The following NTM variants were observed in gnomAD, a reference collection of about 807,000 sequenced individuals.
NTM encodes the protein neurotrimin.
Under a neutral mutation model 42.1 loss-of-function variants are expected in NTM, and 13 were observed. The observed-to-expected ratio is 0.31, with a 90% CI of 0.20 to 0.49. The LOEUF (loss-of-function observed/expected upper bound fraction) is 0.49, where lower values mean the gene tolerates loss of function less well. NTM is among the 20% of genes least tolerant of loss of function. The probability of loss-of-function intolerance (pLI) is 0.99; values close to 1 mark genes in which losing one functional copy is unlikely to be tolerated. For missense variants in NTM, 373 were observed against 452.8 expected, an observed-to-expected ratio of 0.82 and a Z score of 1.60; for synonymous variants, 187 against 179.2, an observed-to-expected ratio of 1.04 and a Z score of -0.35.
intron 1 of NTM, among the ~76,000 whole-genome samples, chr11:131,765,214 T>C (rs993596386): frequency 6.6e-6 from 1 of 152,204 alleles, no homozygotes; most frequent in Non-Finnish European, 1.5e-5. Flanking sequence ...CACCTTAAAA[T>C]GCAAAGCTGA....
intron 2 of NTM, among the ~76,000 whole-genome samples, chr11:132,040,861 C>T (rs111985007): frequency 6.6e-6 from 1 of 152,146 alleles, no homozygotes; most frequent in African/African-American, 2.4e-5. Context: ...ATCAGTTCAC[C>T]ACTAGCTAGC....
At chr11:131,746,957 T>C (rs1489113539) in intron 1 of NTM, among the ~76,000 whole-genome samples, 1 of 152,186 alleles carries the variant, frequency 6.6e-6, no homozygotes, top group African/African-American at 2.4e-5. Context: ...AAACTCAATT[T>C]TGATACCTGT....
Position 131,736,859 on chromosome 11 carries a change from G to A in NTM, c.83-174705G>A, listed in dbSNP as rs144313899. On this transcript the variant is annotated intron_variant, in intron 1 of 8. Transcript: ENST00000683400. Reference sequence around the variant, plus strand: ...CCTGGAAGGAGCTTCATTTATCTGCGTTGAGAATTCAGTGTTGATCCATCA... The same window carrying A: ...CCTGGAAGGAGCTTCATTTATCTGCATTGAGAATTCAGTGTTGATCCATCA... Among the ~76,000 whole-genome samples, 51 of 152,240 alleles carry A rather than the reference G, an allele frequency of 3.3e-4. 1 individual carries two copies. The East Asian group carries it at 7.2e-3, about 21-fold the overall frequency.
intron 4 of NTM, among the ~76,000 whole-genome samples, chr11:132,232,883 C>T (rs1351267970): frequency 6.6e-6 from 1 of 152,136 alleles, no homozygotes; most frequent in East Asian, 1.9e-4. Flanking sequence ...ACGTAAGCGG[C>T]GTTTATGACC....
intron 2 of NTM, among the ~76,000 whole-genome samples, chr11:132,088,082 T>C (rs9783312): frequency 0.13 from 19,781 of 152,252 alleles, 1,450 homozygotes; most frequent in African/African-American, 0.21. Flanking sequence ...CTCACCCGTA[T>C]ATCCCACATG....
chr11:131,713,001 G>C (rs1030254293), intron 1 of NTM, among the ~76,000 whole-genome samples: 3 of 152,128 alleles, frequency 2.0e-5, no homozygotes, highest in African/African-American at 7.2e-5. Context: ...AGCCCCGGTT[G>C]GTCAGGGGTG....
intron 1 of NTM, among the ~76,000 whole-genome samples, chr11:131,756,805 T>TAACA (rs908911171): frequency 3.3e-5 from 5 of 152,178 alleles, no homozygotes; most frequent in Admixed American, 6.5e-5. Flanking sequence ...TACCTGACCA[T>TAACA]AACACATAGT....
At chr11:132,135,112 C>T (rs1472218783) in intron 2 of NTM, among the ~76,000 whole-genome samples, 1 of 152,170 alleles carries the variant, frequency 6.6e-6, no homozygotes, top group African/African-American at 2.4e-5. Context: ...TGTCCCCTCA[C>T]CCCTGTGTCA....
intron 1 of NTM, among the ~76,000 whole-genome samples, chr11:131,410,834 C>T (rs1180637339): frequency 6.6e-6 from 1 of 152,164 alleles, no homozygotes; most frequent in Non-Finnish European, 1.5e-5. Context: ...TTATATCCTA[C>T]TGCTCGAGGG....
At chr11:131,878,846 A>T (rs1486084247) in intron 1 of NTM, among the ~76,000 whole-genome samples, 2 of 151,746 alleles carry the variant, frequency 1.3e-5, no homozygotes, top group African/African-American at 4.8e-5. Flanking sequence ...TCTCTCTTAA[A>T]ATAAAGTGAG....
chr11:131,403,490 A>G (rs570175404), intron 1 of NTM, among the ~76,000 whole-genome samples: 1 of 152,296 alleles, frequency 6.6e-6, no homozygotes, highest in South Asian at 2.1e-4. Context: ...CTTCATAACT[A>G]GATATTGCTG....
chr11:131,823,958 G>A (rs1049353778), intron 1 of NTM, among the ~76,000 whole-genome samples: 1 of 152,200 alleles, frequency 6.6e-6, no homozygotes, highest in African/African-American at 2.4e-5. Flanking sequence ...ATTCAAGGCT[G>A]TGTATGATTA....
intron 2 of NTM, among the ~76,000 whole-genome samples, chr11:132,036,290 G>A (rs796774712): frequency 1.1e-4 from 16 of 152,214 alleles, no homozygotes; most frequent in African/African-American, 3.9e-4. Context: ...CCTCCCCTAG[G>A]CTCCAAGTTC....
intron 3 of NTM, among the ~76,000 whole-genome samples, chr11:132,151,466 G>A (rs1240137385): frequency 2.6e-5 from 4 of 152,202 alleles, no homozygotes; most frequent in Non-Finnish European, 5.9e-5. Flanking sequence ...CTCACTTAGA[G>A]ACACATTTGT....
At chr11:131,773,909 C>T (rs927814612) in intron 1 of NTM, 3 of 567,840 alleles carry the variant, frequency 5.3e-6, no homozygotes, top group Middle Eastern at 8.3e-4. Context: ...ATTCTGTCAG[C>T]TACGACTGCT....
At chr11:132,142,459 TG>T (rs2137268696) in intron 2 of NTM, among the ~76,000 whole-genome samples, 1 of 152,364 alleles carries the variant, frequency 6.6e-6, no homozygotes, top group Admixed American at 6.5e-5. Context: ...GAGCCTTCTC[TG>T]TGGCTGAGAG....
At position 131,911,027 on chromosome 11, in the gene NTM, C is replaced by A. The variant is rs1011805866; in HGVS notation, c.83-537C>A. The A allele has an allele frequency of 1.9e-5, 20 of 1,030,802 alleles. No individual in the cohort carries two copies. The East Asian group carries it at 1.2e-3, about 61-fold the overall frequency. 63.9% of individuals were successfully genotyped at this position (1,030,802 alleles called of 1,614,324 possible). The stretch of plus-strand genomic sequence containing the variant: ...AAACTTACAAAGTGTTGGATGTCCC[C>A]CGTTCGAACTGAGGGACTGCAGACC... On this transcript the variant is annotated intron_variant, in intron 1 of 8. Coordinates refer to ENST00000683400, the MANE Select transcript of NTM (RefSeq NM_001352005.2).
intron 1 of NTM, among the ~76,000 whole-genome samples, chr11:131,614,783 T>C (rs914429466): frequency 2.0e-5 from 3 of 152,214 alleles, no homozygotes; most frequent in African/African-American, 7.2e-5. Flanking sequence ...ATATTGTCCA[T>C]CAAGACTATG....
chr11:131,576,414 T>G (rs2057937856), intron 1 of NTM, among the ~76,000 whole-genome samples: 1 of 152,136 alleles, frequency 6.6e-6, no homozygotes, highest in South Asian at 2.1e-4. Context: ...TCCTTACTTC[T>G]TAGGGTCACA....
Sources: allele counts gnomAD v4.1 joint callset (sites outside exome capture counted in the v4.1 genomes callset), GRCh38; gene constraint gnomAD v4.1.1; transcripts MANE v1.5; gene names NCBI Gene and HGNC (gene_info 2026-07-23, HGNC 2026-07-21).